The following GPHN variants were observed in gnomAD, a reference collection of about 807,000 sequenced individuals.
GPHN encodes the protein gephyrin.
Under a neutral mutation model 95.5 loss-of-function variants are expected in GPHN, and 17 were observed. That is an observed-to-expected ratio of 0.18 (90% CI 0.12 to 0.27). The LOEUF is 0.27. Ranked by LOEUF, GPHN falls within the 10% of genes least tolerant of loss-of-function variation. The pLI is 1.00. For synonymous variants in GPHN, 320 were observed against 322.5 expected, an observed-to-expected ratio of 0.99 and a Z score of 0.08; for missense variants, 660 against 978.1, an observed-to-expected ratio of 0.67 and a Z score of 4.34.
chr14:66,698,424 A>G (rs1406631301), intron 2 of GPHN, among the ~76,000 whole-genome samples: 2 of 152,196 alleles, frequency 1.3e-5, no homozygotes, highest in Non-Finnish European at 2.9e-5. Context: ...ATGTTCAGTG[A>G]ATGTAAACTC....
intron 21 of GPHN, among the ~76,000 whole-genome samples, chr14:67,177,910 T>G (rs1486288838): frequency 1.3e-5 from 2 of 152,234 alleles, no homozygotes; most frequent in Non-Finnish European, 2.9e-5. Flanking sequence ...TTGCTTTCCA[T>G]TTGCTTGTTA....
chr14:67,731,368 C>T, the GPHN span, among the ~76,000 whole-genome samples: 38 of 151,948 alleles, frequency 2.5e-4, no homozygotes, highest in Non-Finnish European at 4.4e-4. Flanking sequence ...GTGCATGCCA[C>T]GACGCCCAGC....
intron 8 of GPHN, among the ~76,000 whole-genome samples, chr14:66,927,213 G>T (rs1300655893): frequency 6.6e-6 from 1 of 152,028 alleles, no homozygotes; most frequent in Non-Finnish European, 1.5e-5. Flanking sequence ...GCCTGGTGTG[G>T]TGGCAGGCCC....
At chr14:67,239,323 CT>C in the GPHN span, among the ~76,000 whole-genome samples, 2 of 152,106 alleles carry the variant, frequency 1.3e-5, no homozygotes, top group Non-Finnish European at 2.9e-5. Context: ...TCCCCATGAC[CT>C]TTGGTGATGT....
the GPHN span, among the ~76,000 whole-genome samples, chr14:67,642,746 T>C: frequency 6.6e-6 from 1 of 151,486 alleles, no homozygotes; most frequent in Middle Eastern, 3.4e-3. Flanking sequence ...TTAGCATTTC[T>C]GCTAATAGAC....
the GPHN span, among the ~76,000 whole-genome samples, chr14:67,732,199 G>T: frequency 6.6e-6 from 1 of 151,796 alleles, no homozygotes; most frequent in East Asian, 1.9e-4. Flanking sequence ...TACTTTGGGA[G>T]GCCAAGGCAG....
chr14:67,111,810 T>G, intron 14 of GPHN, 51 bp from the exon 15 acceptor site: 1 of 1,394,038 alleles, frequency 7.2e-7, no homozygotes, highest in Admixed American at 1.7e-5. Context: ...GTAACTAAAT[T>G]CTACTGCTCA....
At chr14:67,057,184 G>T (rs2075620071) in intron 10 of GPHN, among the ~76,000 whole-genome samples, 1 of 152,214 alleles carries the variant, frequency 6.6e-6, no homozygotes, top group African/African-American at 2.4e-5. Context: ...GTGAGGCCAA[G>T]GAGGTGCCAA....
At chr14:66,878,548 C>T (rs2063778199) in intron 4 of GPHN, among the ~76,000 whole-genome samples, 1 of 152,034 alleles carries the variant, frequency 6.6e-6, no homozygotes, top group Non-Finnish European at 1.5e-5. Flanking sequence ...AAAAAGTGGG[C>T]AAAGGATATG....
chr14:67,075,020 A>G (rs1192629371), intron 11 of GPHN, among the ~76,000 whole-genome samples: 1 of 152,200 alleles, frequency 6.6e-6, no homozygotes. Flanking sequence ...TTCAATGTAG[A>G]TGAAACAGTC....
chr14:66,646,913 C>T (rs1257790212), intron 1 of GPHN, among the ~76,000 whole-genome samples: 2 of 151,862 alleles, frequency 1.3e-5, no homozygotes, highest in Admixed American at 6.6e-5. Flanking sequence ...TTTATTTTTA[C>T]AGTGACACGG....
the GPHN span, chr14:67,343,559 G>A: frequency 1.3e-6 from 1 of 752,776 alleles, no homozygotes; most frequent in Non-Finnish European, 2.2e-6. Flanking sequence ...CTTCTTTTTG[G>A]CATGCTTAAA....
At chr14:67,356,434 C>CAAAAAA in the GPHN span, among the ~76,000 whole-genome samples, 5 of 129,776 alleles carry the variant, frequency 3.9e-5, no homozygotes, top group East Asian at 2.1e-4. Context: ...AAAACAAAAA[C>CAAAAAA]AAAAAAAAAA....
At chr14:66,568,706 A>G (rs1455055071) in intron 1 of GPHN, among the ~76,000 whole-genome samples, 1 of 152,122 alleles carries the variant, frequency 6.6e-6, no homozygotes, top group Non-Finnish European at 1.5e-5. Context: ...TACTTATAGT[A>G]TATCTCACTT....
the GPHN span, among the ~76,000 whole-genome samples, chr14:67,630,718 A>G: frequency 1.3e-5 from 2 of 152,136 alleles, no homozygotes; most frequent in Non-Finnish European, 2.9e-5. Flanking sequence ...AGCTGGGATT[A>G]CAGGCAGCTG....
At chr14:67,353,067 C>T in the GPHN span, 2 of 1,528,950 alleles carry the variant, frequency 1.3e-6, no homozygotes, top group Non-Finnish European at 8.9e-7. Context: ...AAAGTTAAGA[C>T]ATCTATTCTC....
chr14:67,381,034 G>A, the GPHN span, among the ~76,000 whole-genome samples: 1 of 152,108 alleles, frequency 6.6e-6, no homozygotes, highest in African/African-American at 2.4e-5. Flanking sequence ...TTGTTTTAGT[G>A]CATACTTTAA....
chr14:67,170,164 A>G (rs903779145), intron 21 of GPHN, among the ~76,000 whole-genome samples: 2 of 152,214 alleles, frequency 1.3e-5, no homozygotes, highest in African/African-American at 2.4e-5. Flanking sequence ...TAGGCTTTCA[A>G]TAGTCTTAAC....
At chr14:67,347,704 T>G in the GPHN span, among the ~76,000 whole-genome samples, 1 of 151,952 alleles carries the variant, frequency 6.6e-6, no homozygotes, top group Non-Finnish European at 1.5e-5. Context: ...TTCTCCATGT[T>G]GGTAAGGTTG....
Sources: gnomAD v4.1 joint callset for allele counts (sites outside exome capture counted in the v4.1 genomes callset) on GRCh38, gnomAD v4.1.1 for gene constraint, MANE v1.5 for transcripts, NCBI Gene and HGNC (gene_info 2026-07-23, HGNC 2026-07-21) for gene names.